Variants in LAMA2 observed in about 807,000 individuals in gnomAD.
LAMA2 encodes laminin subunit alpha 2.
In LAMA2, 269 loss-of-function variants were observed where a neutral mutation model predicts 364.8. The ratio of observed to expected loss-of-function variants is 0.74; its 90% CI spans 0.67 to 0.82. The LOEUF (loss-of-function observed/expected upper bound fraction) is 0.82, where lower values mean the gene tolerates loss of function less well. Among genes scored for constraint, LAMA2 ranks in the 40% least tolerant of loss-of-function variants. The pLI is 0.00. For synonymous variants in LAMA2, 1,379 were observed against 1,370.6 expected, an observed-to-expected ratio of 1.01 and a Z score of -0.14; for missense variants, 3,807 against 3,873.2, an observed-to-expected ratio of 0.98 and a Z score of 0.45.
rs150660306 is a variant in LAMA2 at position 129,427,066 on chromosome 6, G to C, written c.5866-686G>C. ...TTAAAATGGGTAACTAGACATTCAA[G>C]TTAAACATTCCTTTTCCCATATCAT... On this transcript the variant is annotated intron_variant, in intron 40 of 64. Coordinates refer to ENST00000421865, the MANE Select transcript of LAMA2 (RefSeq NM_000426.4). 2.3e-3 allele frequency among the ~76,000 whole-genome samples: 345 copies of C among 152,292 alleles called. 6 individuals are homozygous for C. Among genetic ancestry groups the C allele is most frequent in the African/African-American group, 8.0e-3 (333 of 41,560 alleles).
intron 41 of LAMA2, among the ~76,000 whole-genome samples, chr6:129,433,996 A>G (rs911523708): frequency 6.6e-6 from 1 of 152,150 alleles, no homozygotes; most frequent in Admixed American, 6.6e-5. Flanking sequence ...ATTTGAACCC[A>G]CATCTTCCAA....
chr6:129,221,782 C>T (rs1387737024), intron 12 of LAMA2, among the ~76,000 whole-genome samples: 1 of 151,978 alleles, frequency 6.6e-6, no homozygotes, highest in Non-Finnish European at 1.5e-5. Context: ...CAGATAAACA[C>T]ATAAAAGTGT....
intron 1 of LAMA2, among the ~76,000 whole-genome samples, chr6:128,943,554 A>G (rs1049037302): frequency 2.0e-5 from 3 of 152,046 alleles, no homozygotes; most frequent in African/African-American, 7.2e-5. Flanking sequence ...TGGCTTCTCA[A>G]TATGCTGAAA....
chr6:128,900,215 C>A (rs1443483916), intron 1 of LAMA2, among the ~76,000 whole-genome samples: 1 of 152,096 alleles, frequency 6.6e-6, no homozygotes, highest in East Asian at 1.9e-4. Context: ...AAACGCAGTA[C>A]CTATATTCTT....
intron 1 of LAMA2, among the ~76,000 whole-genome samples, chr6:128,942,197 C>T (rs1336390303): frequency 1.3e-5 from 2 of 151,728 alleles, no homozygotes; most frequent in Non-Finnish European, 2.9e-5. Context: ...CGTGTTTTTT[C>T]CATCATCCTG....
intron 4 of LAMA2, among the ~76,000 whole-genome samples, chr6:129,114,692 T>C (rs769331496): frequency 1.3e-5 from 2 of 152,012 alleles, no homozygotes; most frequent in South Asian, 2.1e-4. Flanking sequence ...CGCTACTGTT[T>C]ACGAGGCATT....
Position 129,456,494 on chromosome 6 carries a change from G to C in LAMA2, c.6867G>C (p.Lys2289Asn), listed in dbSNP as rs1278233233. The change falls in exon 48 of 65, where the codon AAG (lysine) becomes AAC (asparagine). Residue 2289 changes from lysine to asparagine, a missense_variant and splice_region_variant. Physicochemically the swap from Lys to Asn is moderately conservative, Grantham distance 94. Coordinates refer to ENST00000421865, the MANE Select transcript of LAMA2 (RefSeq NM_000426.4). The stretch of plus-strand genomic sequence containing the variant: ...TTGGTGGCCTGACTGGGAAATTAAA[G>C]GTAATGTGTTCATCCTCCTCCTGTT... ...LFVGGLTGKLKKADAVRVITF... is the reference protein window; with the variant it reads ...LFVGGLTGKLNKADAVRVITF... 1 of 1,612,546 alleles carries C rather than the reference G, an allele frequency of 6.2e-7. No individual in the cohort carries two copies. Among genetic ancestry groups the C allele is most frequent in the Non-Finnish European group, 8.5e-7 (1 of 1,178,716 alleles).
At chr6:129,111,551 T>G (rs1776158129) in intron 4 of LAMA2, among the ~76,000 whole-genome samples, 1 of 151,938 alleles carries the variant, frequency 6.6e-6, no homozygotes, top group South Asian at 2.1e-4. Flanking sequence ...TTTGACTATT[T>G]TAGTCCATTA....
intron 41 of LAMA2, among the ~76,000 whole-genome samples, chr6:129,432,289 TC>T (rs1369446121): frequency 3.3e-5 from 5 of 152,146 alleles, no homozygotes; most frequent in African/African-American, 1.2e-4. Context: ...AGGGTGGACT[TC>T]CATTAGAGAA....
At chr6:129,451,634 G>A (rs1009483831) in intron 45 of LAMA2, among the ~76,000 whole-genome samples, 1 of 152,178 alleles carries the variant, frequency 6.6e-6, no homozygotes, top group African/African-American at 2.4e-5. Flanking sequence ...TGCGGTCTGT[G>A]GGAGACGTAA....
At chr6:129,137,188 C>T (rs74534635) in intron 4 of LAMA2, among the ~76,000 whole-genome samples, 5,546 of 151,888 alleles carry the variant, frequency 0.037, 336 homozygotes, top group African/African-American at 0.13. Flanking sequence ...TTTCAAGCCA[C>T]TCAGTAGTCA....
intron 12 of LAMA2, 146 bp downstream of exon 12, chr6:129,192,999 C>A: frequency 2.3e-6 from 2 of 881,742 alleles, no homozygotes; most frequent in Non-Finnish European, 3.6e-6. Flanking sequence ...TTGAGTTGGG[C>A]GTTTCTTCCA....
intron 14 of LAMA2, among the ~76,000 whole-genome samples, chr6:129,256,409 CA>C (rs2114303753): frequency 6.6e-6 from 1 of 152,188 alleles, no homozygotes; most frequent in African/African-American, 2.4e-5. Flanking sequence ...AAAAAGCAGT[CA>C]TTCTAGGCTA....
chr6:129,204,039 C>T (rs1166092742), intron 12 of LAMA2, among the ~76,000 whole-genome samples: 2 of 152,162 alleles, frequency 1.3e-5, no homozygotes, highest in African/African-American at 2.4e-5. Flanking sequence ...AACACTTTGT[C>T]ACCTGTCTGA....
chr6:129,061,835 T>G (rs1299152083), intron 3 of LAMA2, among the ~76,000 whole-genome samples: 3 of 152,240 alleles, frequency 2.0e-5, no homozygotes, highest in Admixed American at 1.3e-4. Flanking sequence ...AGAGCATATG[T>G]GTTCAAATTG....
intron 20 of LAMA2, among the ~76,000 whole-genome samples, chr6:129,295,228 G>T (rs1483105231): frequency 1.3e-5 from 2 of 152,080 alleles, no homozygotes; most frequent in Non-Finnish European, 2.9e-5. Context: ...CTCTGCCAGG[G>T]TTGTCCTGAG....
intron 30 of LAMA2, among the ~76,000 whole-genome samples, chr6:129,346,333 C>A (rs1184377387): frequency 2.0e-5 from 3 of 152,162 alleles, no homozygotes; most frequent in Admixed American, 6.5e-5. Context: ...CTCAGACAAT[C>A]CCTGTGAAAT....
chr6:128,977,360 A>G (rs1012882472), intron 1 of LAMA2, among the ~76,000 whole-genome samples: 3 of 150,930 alleles, frequency 2.0e-5, no homozygotes, highest in African/African-American at 4.9e-5. Context: ...CCTGGGCTCA[A>G]GCAATCCTTC....
chr6:129,151,420 A>G (rs1275591774), intron 7 of LAMA2, among the ~76,000 whole-genome samples: 2 of 152,196 alleles, frequency 1.3e-5, no homozygotes, highest in Admixed American at 1.3e-4. Context: ...GTCCAGTGGC[A>G]TGCTCCTATA....
Sources: allele counts gnomAD v4.1 joint callset (sites outside exome capture counted in the v4.1 genomes callset), GRCh38; gene constraint gnomAD v4.1.1; transcripts MANE v1.5; gene names NCBI Gene and HGNC (gene_info 2026-07-23, HGNC 2026-07-21).